The following NAV2 variants were observed in gnomAD, a reference collection of about 807,000 sequenced individuals.
NAV2 encodes helicase, APC down-regulated 1.
Under a neutral mutation model 223.2 loss-of-function variants are expected in NAV2, and 54 were observed. The observed-to-expected ratio is 0.24, with a 90% CI of 0.19 to 0.30. NAV2 has a LOEUF of 0.30. Among genes scored for constraint, NAV2 ranks in the 10% least tolerant of loss-of-function variants. NAV2 has a pLI of 1.00. For missense variants in NAV2, 2,806 were observed against 3,147.5 expected (o/e 0.89, Z 2.60); for synonymous variants, 1,279 against 1,239.3 (o/e 1.03, Z -0.67).
At chr11:19,928,141 T>C (rs1403571099) in intron 6 of NAV2, among the ~76,000 whole-genome samples, 2 of 152,238 alleles carry the variant, frequency 1.3e-5, no homozygotes, top group Non-Finnish European at 2.9e-5. Context: ...AATGTAACAG[T>C]GTTTCTCCCA....
chr11:19,565,536 A>T (rs1376180218), intron 1 of NAV2, among the ~76,000 whole-genome samples: 1 of 152,204 alleles, frequency 6.6e-6, no homozygotes, highest in Non-Finnish European at 1.5e-5. Context: ...GAGTCAGGAC[A>T]TCTGAGGAAG....
chr11:19,868,265 A>C (rs1206790177), intron 3 of NAV2, among the ~76,000 whole-genome samples: 1 of 152,218 alleles, frequency 6.6e-6, no homozygotes, highest in South Asian at 2.1e-4. Context: ...TGACAACTGA[A>C]GTAAAATTAG....
At chr11:20,091,998 G>C (rs1458768883) in intron 27 of NAV2, among the ~76,000 whole-genome samples, 1 of 152,162 alleles carries the variant, frequency 6.6e-6, no homozygotes, top group East Asian at 1.9e-4. Flanking sequence ...TCAAAGGCCT[G>C]TTCTCTGAAT....
At chr11:19,810,266 C>G (rs7103636) in intron 1 of NAV2, among the ~76,000 whole-genome samples, 30,942 of 152,122 alleles carry the variant, frequency 0.2, 4,092 homozygotes, top group Non-Finnish European at 0.3. Context: ...CTTTGACATA[C>G]TCCATCATTG....
chr11:20,023,257 G>T, intron 11 of NAV2: 1 of 477,778 alleles, frequency 2.1e-6, no homozygotes. Context: ...CTAAATCACT[G>T]TGAGCTATGT....
chr11:19,620,672 G>C (rs2046964067), intron 1 of NAV2, among the ~76,000 whole-genome samples: 1 of 152,142 alleles, frequency 6.6e-6, no homozygotes, highest in African/African-American at 2.4e-5. Context: ...TGAGATGACT[G>C]GATTTTCTAA....
Position 20,044,174 on chromosome 11 carries a change from C to G in NAV2, c.3101C>G (p.Thr1034Arg), listed in dbSNP as rs762663395. 1 of 1,614,218 alleles carries G rather than the reference C, an allele frequency of 6.2e-7. No individual in the cohort carries two copies. The highest frequency in any genetic ancestry group is 1.1e-5 in the South Asian group (1 of 91,092). Residue 1034 changes from threonine (T) to arginine (R), a missense_variant, in exon 13 of 38, where the codon ACA (threonine) becomes AGA (arginine). Physicochemically the swap from Thr to Arg is moderately conservative, Grantham distance 71. Transcript: ENST00000349880. The stretch of plus-strand genomic sequence containing the variant: ...AAGAAGAATCCTGTCATCTCCCAGA[C>G]AGGCTCATGGCGGCGAGGCATGACA... ...SGKKNPVISQ[T>R]GSWRRGMTAQ...
chr11:20,063,300 G>C (rs777900433), intron 20 of NAV2, among the ~76,000 whole-genome samples: 2 of 152,206 alleles, frequency 1.3e-5, no homozygotes, highest in Non-Finnish European at 2.9e-5. Flanking sequence ...AAAGCCAAAT[G>C]TAATCAAATA....
chr11:19,530,279 T>A (rs112823060), intron 1 of NAV2, among the ~76,000 whole-genome samples: 1 of 152,148 alleles, frequency 6.6e-6, no homozygotes, highest in African/African-American at 2.4e-5. Flanking sequence ...CCACTGTGTG[T>A]ATCCACAGGC....
chr11:19,993,986 C>G (rs1249031620), intron 11 of NAV2, among the ~76,000 whole-genome samples: 1 of 152,162 alleles, frequency 6.6e-6, no homozygotes, highest in Non-Finnish European at 1.5e-5. Flanking sequence ...CCTAAGTAAG[C>G]CATTGTAACG....
Position 19,933,963 on chromosome 11 carries a change from C to A in NAV2, c.1719C>A (p.Pro573=). The A allele has an allele frequency of 6.3e-7, 1 of 1,596,730 alleles. No homozygotes were observed. Among genetic ancestry groups the A allele is most frequent in the Non-Finnish European group, 8.5e-7 (1 of 1,173,098 alleles). ...GIPKPGMKSM[P]GKSPSAPAPS... is the part of the protein sequence containing the mutation. ...CAAAACCAGGAATGAAAAGCATGCC[C>A]GGGAAATCCCCAAGTGCCCCAGCGC... Residue 573 remains proline, a synonymous_variant, in exon 7 of 38, where the codon CCC becomes CCA. Transcript: ENST00000349880. This position sits in a 1 kb window ranked among gnomAD's most constrained non-coding sequence, Gnocchi z 4.3.
chr11:19,357,174 T>A (rs1298116151), intron 1 of NAV2, among the ~76,000 whole-genome samples: 1 of 152,196 alleles, frequency 6.6e-6, no homozygotes, highest in Non-Finnish European at 1.5e-5. Context: ...TGTGTAGAGA[T>A]CCAGGATTGG....
At chr11:19,440,475 G>A (rs1741362100) in intron 1 of NAV2, among the ~76,000 whole-genome samples, 1 of 152,112 alleles carries the variant, frequency 6.6e-6, no homozygotes, top group Admixed American at 6.6e-5. Flanking sequence ...ATAGAGGGTG[G>A]GTCTGGGAAG....
intron 1 of NAV2, among the ~76,000 whole-genome samples, chr11:19,439,449 C>A (rs1039986607): frequency 6.6e-6 from 1 of 151,962 alleles, no homozygotes; most frequent in Non-Finnish European, 1.5e-5. Context: ...ATAATCACAC[C>A]GGTCCTTAGA....
intron 1 of NAV2, among the ~76,000 whole-genome samples, chr11:19,443,995 C>T (rs548287640): frequency 3.8e-4 from 58 of 152,144 alleles, no homozygotes; most frequent in African/African-American, 1.1e-3. Flanking sequence ...AGTGCAGTGG[C>T]GCAATCTCGG....
At chr11:19,906,092 C>T (rs548383579) in intron 6 of NAV2, among the ~76,000 whole-genome samples, 1 of 152,228 alleles carries the variant, frequency 6.6e-6, no homozygotes, top group African/African-American at 2.4e-5. Flanking sequence ...TGGGCCTGCT[C>T]CTATGTCTGA....
intron 1 of NAV2, among the ~76,000 whole-genome samples, chr11:19,434,176 T>C (rs1851132495): frequency 6.6e-6 from 1 of 151,778 alleles, no homozygotes; most frequent in Non-Finnish European, 1.5e-5. Flanking sequence ...AAACAGAAGA[T>C]GTGGTTTTCC....
intron 26 of NAV2, among the ~76,000 whole-genome samples, chr11:20,090,239 C>T: frequency 6.6e-6 from 1 of 152,096 alleles, no homozygotes; most frequent in East Asian, 1.9e-4. Context: ...GTAAGCTGAC[C>T]CTGCTTCTCT....
chr11:20,046,267 C>T (rs1026840351), intron 14 of NAV2, among the ~76,000 whole-genome samples: 1 of 150,184 alleles, frequency 6.7e-6, no homozygotes, highest in Non-Finnish European at 1.5e-5. Context: ...ACCCAGGAGG[C>T]GGAGGTTGCA....
Sources: allele counts gnomAD v4.1 joint callset (sites outside exome capture counted in the v4.1 genomes callset), GRCh38; gene constraint gnomAD v4.1.1; non-coding constraint Gnocchi (gnomAD v3.1); transcripts MANE v1.5; gene names NCBI Gene and HGNC (gene_info 2026-07-23, HGNC 2026-07-21).